The following TSPAN16 variants were observed in gnomAD, a reference collection of about 807,000 sequenced individuals.
The protein encoded by TSPAN16 is tetraspanin-16.
Under a neutral mutation model 25.2 loss-of-function variants are expected in TSPAN16, and 23 were observed. The ratio of observed to expected loss-of-function variants is 0.91; its 90% confidence interval spans 0.66 to 1.29. The LOEUF (loss-of-function observed/expected upper bound fraction) is 1.29. Among genes scored for constraint, TSPAN16 ranks in the 50% most tolerant of loss-of-function variants. TSPAN16 has a pLI of 0.00. For missense variants in TSPAN16, 272 were observed against 299.9 expected (o/e 0.91, Z 0.69); for synonymous variants, 123 against 124.4 (o/e 0.99, Z 0.08).
At chr19:11,297,403 A>C (rs192433424) in intron 1 of TSPAN16, among the ~76,000 whole-genome samples, 1 of 152,190 alleles carries the variant, frequency 6.6e-6, no homozygotes, top group Non-Finnish European at 1.5e-5. Flanking sequence ...CGTAGTTTCA[A>C]CAGACACCTT....
intron 6 of TSPAN16, among the ~76,000 whole-genome samples, chr19:11,314,343 T>C (rs1157052701): frequency 1.3e-5 from 2 of 152,136 alleles, no homozygotes; most frequent in Non-Finnish European, 2.9e-5. Context: ...GTATAGTCTA[T>C]CAATTATATC....
At chr19:11,326,886 C>A (rs1294197346) in exon 7 of TSPAN16, 4 of 570,984 alleles carry the variant, frequency 7.0e-6, no homozygotes, top group South Asian at 2.1e-5. Context: ...CTGGGTTTAC[C>A]AGCGTGAGCC....
intron 3 of TSPAN16, 39 bp downstream of exon 3, chr19:11,298,985 GA>G: frequency 6.2e-7 from 1 of 1,602,912 alleles, no homozygotes; most frequent in Non-Finnish European, 8.5e-7. Flanking sequence ...GCATTAGAAA[GA>G]TAAAGAACCA....
At chr19:11,302,114 G>A (rs758908935) in intron 4 of TSPAN16, among the ~76,000 whole-genome samples, 10 of 152,078 alleles carry the variant, frequency 6.6e-5, no homozygotes, top group Non-Finnish European at 1.0e-4. Flanking sequence ...GTGAGCCACC[G>A]TGCCCGGCCC....
At chr19:11,298,364 C>A in intron 2 of TSPAN16, 25 bp downstream of exon 2, 1 of 1,606,160 alleles carries the variant, frequency 6.2e-7, no homozygotes, top group South Asian at 1.1e-5. Flanking sequence ...CACACAGACC[C>A]CAGAACTGCC....
At chr19:11,296,435 C>A in intron 1 of TSPAN16, 69 bp downstream of exon 1, 1 of 1,520,432 alleles carries the variant, frequency 6.6e-7, no homozygotes, top group Non-Finnish European at 9.1e-7. Context: ...CCCTGAAAGA[C>A]AGAAATAAGT....
chr19:11,307,880 G>A (rs1168545448), intron 5 of TSPAN16: 1 of 152,238 alleles, frequency 6.6e-6, no homozygotes, highest in Admixed American at 6.6e-5. Context: ...GCTCGGGGAG[G>A]GGACATCACT....
downstream of TSPAN16, among the ~76,000 whole-genome samples, chr19:11,320,141 G>C (rs1207142429): frequency 1.5e-5 from 1 of 65,992 alleles, no homozygotes; most frequent in Admixed American, 1.7e-4. Flanking sequence ...TTTTTTTTGA[G>C]ACGGAGTTTC....
At chr19:11,303,792 G>GT (rs966825281) in intron 4 of TSPAN16, among the ~76,000 whole-genome samples, 11 of 149,496 alleles carry the variant, frequency 7.4e-5, no homozygotes, top group South Asian at 6.3e-4. Flanking sequence ...TTCTGGGTTT[G>GT]TTTTTTTTTG....
At chr19:11,306,564 T>C in intron 4 of TSPAN16, 40 bp from the exon 5 acceptor site, 1 of 1,610,588 alleles carries the variant, frequency 6.2e-7, no homozygotes, top group African/African-American at 1.3e-5. Context: ...TTTTTATTAT[T>C]TGAAAGGGAC....
At chr19:11,301,934 C>T (rs760257765) in intron 4 of TSPAN16, among the ~76,000 whole-genome samples, 1 of 151,524 alleles carries the variant, frequency 6.6e-6, no homozygotes, top group Non-Finnish European at 1.5e-5. Context: ...AGCAATTCTC[C>T]TGTCTTAGCC....
At chr19:11,316,811 C>T (rs373498398), downstream of TSPAN16, among the ~76,000 whole-genome samples, 1 of 129,618 alleles carries the variant, frequency 7.7e-6, no homozygotes, top group Admixed American at 8.0e-5. Flanking sequence ...CCCCCCCCGC[C>T]TTTTTTTTTT....
In TSPAN16 at chr19:11,299,985, G is replaced by GA. The variant is rs60293071; in HGVS notation, c.342+1054dup. Among the ~76,000 whole-genome samples the GA allele has an allele frequency of 2.1e-3, 229 of 107,750 alleles. 1 individual carries two copies. Among genetic ancestry groups the GA allele is most frequent in the South Asian group, 0.017 (53 of 3,160 alleles). 70.7% of individuals were successfully genotyped at this position (107,750 alleles called of 152,430 possible). On this transcript the variant is annotated intron_variant, in intron 3 of 6. Coordinates refer to ENST00000590327, the MANE Select transcript of TSPAN16 (RefSeq NM_001282509.2). ...AGAGTGAAACTCTGTCTCAAAAAAA[G>GA]AAAAAAAAAAAAAAAGAAAAGAAAA... is the stretch of plus-strand genomic sequence containing the variant.
intron 3 of TSPAN16, among the ~76,000 whole-genome samples, chr19:11,299,277 TAA>T (rs79310496): frequency 1.4e-4 from 20 of 141,276 alleles, no homozygotes; most frequent in Non-Finnish European, 1.7e-4. Flanking sequence ...GAGACTCCGT[TAA>T]AAAAAAAAAA....
intron 4 of TSPAN16, among the ~76,000 whole-genome samples, chr19:11,303,884 AGTGATTGT>A (rs2080597798): frequency 6.6e-6 from 1 of 151,458 alleles, no homozygotes; most frequent in African/African-American, 2.4e-5. Context: ...CCTGGGTTCA[AGTGATTGT>A]CCTGCCTTAG....
At chr19:11,305,065 T>C (rs760592208) in intron 4 of TSPAN16, among the ~76,000 whole-genome samples, 30 of 152,186 alleles carry the variant, frequency 2.0e-4, no homozygotes, top group Non-Finnish European at 2.6e-4. Flanking sequence ...ATTATAGGCA[T>C]GAGTCACTGC....
intron 6 of TSPAN16, among the ~76,000 whole-genome samples, chr19:11,326,397 G>A (rs535765442): frequency 2.0e-5 from 3 of 152,002 alleles, no homozygotes; most frequent in South Asian, 2.1e-4. Context: ...AAAACAAAAC[G>A]AAACCCTGCG....
At chr19:11,315,001 C>T (rs1455802541) in intron 6 of TSPAN16, among the ~76,000 whole-genome samples, 1 of 151,588 alleles carries the variant, frequency 6.6e-6, no homozygotes, top group Admixed American at 6.6e-5. Context: ...TTTGGGAGGC[C>T]GAGGCGAATG....
At chr19:11,302,342 A>G (rs2080560994) in intron 4 of TSPAN16, among the ~76,000 whole-genome samples, 1 of 151,706 alleles carries the variant, frequency 6.6e-6, no homozygotes, top group African/African-American at 2.4e-5. Context: ...CCTAGGAGTG[A>G]AATCAGGCAG....
Sources: allele counts gnomAD v4.1 joint callset (sites outside exome capture counted in the v4.1 genomes callset), GRCh38; gene constraint gnomAD v4.1.1; transcripts MANE v1.5; gene names NCBI Gene and HGNC (gene_info 2026-07-23, HGNC 2026-07-21).